The following GSK3B variants were observed in gnomAD, a reference collection of about 807,000 sequenced individuals.
GSK3B encodes the protein glycogen synthase kinase 3 beta, also known as glycogen synthase kinase-3 beta.
GSK3B carries 15 observed loss-of-function variants against 56.4 expected under a neutral mutation model. That is an observed-to-expected ratio of 0.27 (90% CI 0.18 to 0.41). The LOEUF (loss-of-function observed/expected upper bound fraction) is 0.41. GSK3B is among the 10% of genes least tolerant of loss of function. The pLI is 1.00. For missense variants in GSK3B, 300 were observed against 513.4 expected, an observed-to-expected ratio of 0.58 and a Z score of 4.02; for synonymous variants, 181 against 188.9, an observed-to-expected ratio of 0.96 and a Z score of 0.34.
intron 1 of GSK3B, among the ~76,000 whole-genome samples, chr3:120,058,680 T>A (rs2058210907): frequency 1.3e-5 from 2 of 152,254 alleles, no homozygotes; most frequent in East Asian, 3.9e-4. Context: ...CAGGTAATAA[T>A]GCTTCTCCCT....
chr3:119,948,092 T>TC (rs2107492740), intron 2 of GSK3B, among the ~76,000 whole-genome samples: 1 of 152,260 alleles, frequency 6.6e-6, no homozygotes, highest in East Asian at 1.9e-4. Context: ...AGTCCAACAA[T>TC]ATACTTGACT....
chr3:120,062,160 C>A (rs1051389107), intron 1 of GSK3B, among the ~76,000 whole-genome samples: 7 of 152,084 alleles, frequency 4.6e-5, no homozygotes, highest in African/African-American at 1.7e-4. Flanking sequence ...ATTTTTGTTT[C>A]TTTAACTATA....
chr3:119,865,372 T>A (rs1470709445), intron 8 of GSK3B, among the ~76,000 whole-genome samples: 1 of 147,372 alleles, frequency 6.8e-6, no homozygotes, highest in Non-Finnish European at 1.5e-5. Context: ...AATAAAAAAA[T>A]TTCTTATTTT....
intron 2 of GSK3B, among the ~76,000 whole-genome samples, chr3:119,955,984 T>C (rs2057210470): frequency 6.6e-6 from 1 of 151,970 alleles, no homozygotes; most frequent in Non-Finnish European, 1.5e-5. Context: ...ATATTTGTTT[T>C]AGGAAGATTG....
intron 10 of GSK3B, among the ~76,000 whole-genome samples, chr3:119,837,256 G>A (rs1035162862): frequency 4.6e-5 from 7 of 152,132 alleles, no homozygotes; most frequent in East Asian, 3.9e-4. Flanking sequence ...CCGGGTTCAC[G>A]CCATTCTCCT....
At chr3:120,068,644 G>A (rs561645047) in intron 1 of GSK3B, among the ~76,000 whole-genome samples, 230 of 151,936 alleles carry the variant, frequency 1.5e-3, no homozygotes, top group Middle Eastern at 3.4e-3. Context: ...AGGTTGCAGT[G>A]AGCTGAGATC....
chr3:119,980,949 A>G (rs556122267), intron 2 of GSK3B, among the ~76,000 whole-genome samples: 29 of 152,338 alleles, frequency 1.9e-4, no homozygotes, highest in African/African-American at 6.7e-4. Context: ...TGTCTGTGAA[A>G]GTCATGAAAA....
intron 7 of GSK3B, among the ~76,000 whole-genome samples, chr3:119,879,935 T>G (rs557151839): frequency 2.4e-4 from 36 of 152,214 alleles, no homozygotes; most frequent in African/African-American, 8.4e-4. Flanking sequence ...AACATAGGAG[T>G]GCAGATACCT....
intron 1 of GSK3B, among the ~76,000 whole-genome samples, chr3:120,037,519 C>T (rs1231641157): frequency 6.6e-6 from 1 of 151,950 alleles, no homozygotes; most frequent in Non-Finnish European, 1.5e-5. Flanking sequence ...ATTAAGCAAG[C>T]CGGTAGTGTG....
At chr3:119,956,204 C>T (rs17810235) in intron 2 of GSK3B, among the ~76,000 whole-genome samples, 35,278 of 152,068 alleles carry the variant, frequency 0.23, 5,101 homozygotes, top group Non-Finnish European at 0.32. Flanking sequence ...GCCGGGGAAG[C>T]TGTTTTGGAA....
At chr3:119,998,342 C>G (rs2057644231) in intron 2 of GSK3B, among the ~76,000 whole-genome samples, 1 of 152,174 alleles carries the variant, frequency 6.6e-6, no homozygotes, top group Non-Finnish European at 1.5e-5. Flanking sequence ...AGTGAACAGG[C>G]CCATGTGGCA....
intron 1 of GSK3B, among the ~76,000 whole-genome samples, chr3:120,034,457 C>A (rs1201626987): frequency 2.0e-5 from 3 of 152,120 alleles, no homozygotes; most frequent in Admixed American, 6.5e-5. Context: ...ATCCAGCTGT[C>A]TGAGACCATT....
intron 2 of GSK3B, among the ~76,000 whole-genome samples, chr3:119,967,557 T>C (rs1222584088): frequency 6.6e-6 from 1 of 152,148 alleles, no homozygotes; most frequent in Non-Finnish European, 1.5e-5. Context: ...GGACATATGT[T>C]ATCAATCAAT....
chr3:119,932,140 G>A (rs1308523205), intron 3 of GSK3B, among the ~76,000 whole-genome samples: 1 of 152,138 alleles, frequency 6.6e-6, no homozygotes, highest in Admixed American at 6.5e-5. Flanking sequence ...ATTTTTAATA[G>A]AATCATGATA....
At chr3:119,939,607 G>A (rs940441765) in intron 3 of GSK3B, among the ~76,000 whole-genome samples, 28 of 152,110 alleles carry the variant, frequency 1.8e-4, no homozygotes, top group African/African-American at 6.3e-4. Flanking sequence ...GGGTGGGGAG[G>A]AAGTAAAGGT....
At chr3:119,955,615 A>G (rs1208391747) in intron 2 of GSK3B, among the ~76,000 whole-genome samples, 3 of 151,874 alleles carry the variant, frequency 2.0e-5, no homozygotes, top group Admixed American at 6.6e-5. Flanking sequence ...TACAAGGCAT[A>G]AAGAACCACT....
intron 4 of GSK3B, among the ~76,000 whole-genome samples, chr3:119,920,023 T>C (rs923220604): frequency 1.3e-5 from 2 of 152,184 alleles, no homozygotes; most frequent in African/African-American, 4.8e-5. Flanking sequence ...AAAAAATACT[T>C]AACACTGGTA....
At chr3:119,903,903 G>A (rs1411292886) in intron 7 of GSK3B, among the ~76,000 whole-genome samples, 2 of 152,142 alleles carry the variant, frequency 1.3e-5, no homozygotes, top group South Asian at 2.1e-4. Context: ...GAATGGTTGT[G>A]TAAGAGCAGA....
chr3:120,028,160 T>G (rs1187935634), intron 1 of GSK3B, among the ~76,000 whole-genome samples: 1 of 151,908 alleles, frequency 6.6e-6, no homozygotes, highest in East Asian at 1.9e-4. Context: ...GGCTAGAGCA[T>G]GACTGACTGG....
Sources: gnomAD v4.1 joint callset for allele counts (sites outside exome capture counted in the v4.1 genomes callset) on GRCh38, gnomAD v4.1.1 for gene constraint, MANE v1.5 for transcripts, NCBI Gene and HGNC (gene_info 2026-07-23, HGNC 2026-07-21) for gene names.